SPATA31A6: variants seen among roughly 807,000 people sequenced by gnomAD.
SPATA31A6 encodes the protein SPATA31 subfamily A member 6, also known as spermatogenesis-associated protein 31A6.
SPATA31A6 carries 9 observed loss-of-function variants against 11.9 expected under a neutral mutation model. The ratio of observed to expected loss-of-function variants is 0.76; its 90% CI spans 0.46 to 1.32. SPATA31A6 has a LOEUF of 1.32. SPATA31A6 is among the 40% of genes most tolerant of loss of function. The pLI is 0.00. For synonymous variants in SPATA31A6, 314 were observed against 572.1 expected, an observed-to-expected ratio of 0.55 and a Z score of 6.44; for missense variants, 855 against 1,467.3, an observed-to-expected ratio of 0.58 and a Z score of 6.82.
Position 42,187,246 on chromosome 9 carries a change from A to G in SPATA31A6, c.1544A>G (p.Lys515Arg), listed in dbSNP as rs534694700. The part of the protein sequence containing the change: ...VLSPAFPSLI[K>R]NTGVACPASQ... Reference sequence around the variant, plus strand: ...TCTCCTGCTTTTCCATCCCTGATTAAGAACACTGGAGTAGCTTGCCCTGCA... The same window carrying G: ...TCTCCTGCTTTTCCATCCCTGATTAGGAACACTGGAGTAGCTTGCCCTGCA... Residue 515 changes from lysine (K) to arginine (R), a missense_variant, in exon 4 of 4, where the codon AAG (lysine) becomes AGG (arginine). Physicochemically the swap from Lys to Arg is conservative, Grantham distance 26 (BLOSUM62 2). Transcript: ENST00000332857. The G allele has an allele frequency of 4.2e-5, 65 of 1,542,800 alleles. 12 individuals carry two copies. The African/African-American group carries it at 9.5e-4, about 23-fold the overall frequency.
At position 42,188,485 on chromosome 9, in the gene SPATA31A6, C is replaced by T. The variant is rs1041044180; in HGVS notation, c.2783C>T (p.Thr928Ile). ...TCTAAGCCCCTCACGTACAGCCTCA[C>T]AGGCAGCACCCAGCAGAGCAGGAGC... ...WPSKPLTYSLTGSTQQSRSLG... is the reference protein window; with the variant it reads ...WPSKPLTYSLIGSTQQSRSLG... The change falls in exon 4 of 4, where the codon ACA becomes ATA. Residue 928 changes from threonine (T) to isoleucine (I), a missense_variant. Thr to Ile is a moderately conservative substitution (Grantham distance 89, BLOSUM62 -1). Transcript: ENST00000332857. 1 of 560,766 alleles carries T rather than the reference C, an allele frequency of 1.8e-6. No homozygotes were observed. Among genetic ancestry groups the T allele is most frequent in the South Asian group, 2.1e-5 (1 of 47,978 alleles). 34.7% of individuals were successfully genotyped at this position (560,766 alleles called of 1,614,324 possible). A position where few individuals can be genotyped will look rare whatever the true frequency, so the allele number is the denominator to read the frequency against.
In SPATA31A6 at chr9:42,186,659, G is replaced by T. The variant is rs747140841; in HGVS notation, c.957G>T (p.Leu319Phe). The change falls in exon 4 of 4, where the codon TTG becomes TTT. Residue 319 changes from leucine (L) to phenylalanine (F), a missense_variant. Leu to Phe is a conservative substitution (Grantham distance 22). Coordinates refer to ENST00000332857, the MANE Select transcript of SPATA31A6 (RefSeq NM_001145196.1). ...TCQMEAGSLF[L>F]LSSDGQNVVG... ...AGATGGAAGCTGGTAGCCTGTTTTTGCTCAGCTCTGATGGCCAGAATGTCG... is the reference window on the plus strand; with the variant it reads ...AGATGGAAGCTGGTAGCCTGTTTTTTCTCAGCTCTGATGGCCAGAATGTCG... 6.5e-7 allele frequency: 1 copy of T among 1,532,002 alleles called. No homozygotes were observed. Among genetic ancestry groups the T allele is most frequent in the East Asian group, 2.4e-5 (1 of 42,100 alleles). 94.9% of individuals were successfully genotyped at this position (1,532,002 alleles called of 1,614,324 possible).
chr9:42,184,372 G>C (rs1305668220), intron 1 of SPATA31A6, among the ~76,000 whole-genome samples: 1 of 131,710 alleles, frequency 7.6e-6, no homozygotes, highest in Non-Finnish European at 1.6e-5. Flanking sequence ...GCCTGAACTT[G>C]GGTGTTCCTG....
At position 42,183,861 on chromosome 9, in the gene SPATA31A6, G is replaced by C. The variant is rs752352621; in HGVS notation, c.174G>C (p.Ser58=). 17 of 1,531,134 alleles carry C rather than the reference G, an allele frequency of 1.1e-5. No individual in the cohort carries two copies. The highest frequency in any genetic ancestry group is 1.3e-5 in the Non-Finnish European group (15 of 1,137,502). The allele number at this position is 1,531,134 out of a possible 1,614,324, so 94.8% of individuals were successfully genotyped here. Residue 58 remains serine (S), a synonymous_variant, in exon 1 of 4, where the codon TCG becomes TCC. Transcript: ENST00000332857. Reference sequence around the variant, plus strand: ...ATTGTGATGACCCACCCTCACCATCGCCTGGGAAGAGAAAGGTAAGGAACC... The same window carrying C: ...ATTGTGATGACCCACCCTCACCATCCCCTGGGAAGAGAAAGGTAAGGAACC... The part of the protein sequence containing the change: ...YFHCDDPPSP[S]PGKRKCPVGR...
At position 42,186,923 on chromosome 9, in the gene SPATA31A6, T is replaced by C. The variant is rs556963687; in HGVS notation, c.1221T>C (p.Ser407=). ...CAGATCCTAGGCTCTTGCAGGAAAGTTTTTGGAAGAATTATAGCCAGCTTT... is the reference window on the plus strand; with the variant it reads ...CAGATCCTAGGCTCTTGCAGGAAAGCTTTTGGAAGAATTATAGCCAGCTTT... The part of the protein sequence containing the change: ...KCSDPRLLQE[S]FWKNYSQLFW... Residue 407 remains serine (S), a synonymous_variant, in exon 4 of 4, where the codon AGT becomes AGC. Coordinates refer to ENST00000332857, the MANE Select transcript of SPATA31A6 (RefSeq NM_001145196.1). The C allele has an allele frequency of 5.1e-5, 79 of 1,540,402 alleles. 14 individuals carry two copies. Among genetic ancestry groups the C allele is most frequent in the Middle Eastern group, 2.3e-4 (1 of 4,354 alleles).
Position 42,186,808 on chromosome 9 carries a change from C to T in SPATA31A6, c.1106C>T (p.Ser369Leu), listed in dbSNP as rs1249737909. Residue 369 changes from serine to leucine, a missense_variant, in exon 4 of 4, where the codon TCA becomes TTA. Transcript: ENST00000332857. ...AATTCTTTGGGGAATTTGGCTAAATCATTGGATGCTGAGCAGGACACCACA... is the reference window on the plus strand; with the variant it reads ...AATTCTTTGGGGAATTTGGCTAAATTATTGGATGCTGAGCAGGACACCACA... ...HLNSLGNLAKSLDAEQDTTNP... is the reference protein window; with the variant it reads ...HLNSLGNLAKLLDAEQDTTNP... The T allele has an allele frequency of 1.3e-6, 2 of 1,534,372 alleles. No individual in the cohort carries two copies. The highest frequency in any genetic ancestry group is 3.1e-5 in the African/African-American group (2 of 65,496).
At position 42,187,588 on chromosome 9, in the gene SPATA31A6, C is replaced by T. The variant is rs576103141; in HGVS notation, c.1886C>T (p.Thr629Ile). 5 of 1,253,232 alleles carry T rather than the reference C, an allele frequency of 4.0e-6. 2 individuals carry two copies. The highest frequency in any genetic ancestry group is 1.9e-5 in the African/African-American group (1 of 52,438). The allele number at this position is 1,253,232 out of a possible 1,614,324, so 77.6% of individuals were successfully genotyped here. A position where few individuals can be genotyped will look rare whatever the true frequency, so the allele number is the denominator to read the frequency against. The stretch of plus-strand genomic sequence containing the variant: ...CAGCTTCGGGACGAATCACCAGGGA[C>T]AAGTCAGGCCAAGGGCAAACCCAGT... Reference protein sequence around the residue: ...LMQLRDESPGTSQAKGKPSPW... With the variant: ...LMQLRDESPGISQAKGKPSPW... The change falls in exon 4 of 4, where the codon ACA becomes ATA. Residue 629 changes from threonine to isoleucine, a missense_variant. Physicochemically the swap from Thr to Ile is moderately conservative, Grantham distance 89. Transcript: ENST00000332857.
rs550048106 is a variant in SPATA31A6 at position 42,189,446 on chromosome 9, C to T, written c.3744C>T (p.His1248=). ...PVCGFPCNHR[H]LFYSEHGRIL... ...GTGGGTTTCCCTGCAACCACAGGCA[C>T]CTCTTCTACTCAGAACATGGCAGAA... Residue 1248 remains histidine, a synonymous_variant, in exon 4 of 4, where the codon CAC becomes CAT. Coordinates refer to ENST00000332857, the MANE Select transcript of SPATA31A6 (RefSeq NM_001145196.1). 116 of 1,559,378 alleles carry T rather than the reference C, an allele frequency of 7.4e-5. 15 individuals carry two copies. In the South Asian group the frequency reaches 1.2e-3, roughly 17 times the overall value.
chr9:42,185,492 C>T, intron 2 of SPATA31A6: 1 of 897,642 alleles, frequency 1.1e-6, no homozygotes, highest in South Asian at 1.7e-5. Flanking sequence ...GGTGGGGGGT[C>T]CGTGTGTGGA....
Position 42,187,384 on chromosome 9 carries a change from C to A in SPATA31A6, c.1682C>A (p.Ser561Tyr). 6.5e-7 allele frequency: 1 copy of A among 1,533,112 alleles called. No homozygotes were observed. 95.0% of individuals were successfully genotyped at this position (1,533,112 alleles called of 1,614,324 possible). The change falls in exon 4 of 4, where the codon TCT becomes TAT. Residue 561 changes from serine to tyrosine, a missense_variant. Ser to Tyr is a moderately radical substitution (Grantham distance 144, BLOSUM62 -2). Transcript: ENST00000332857. The stretch of plus-strand genomic sequence containing the variant: ...GCTTTACCCTCTAGGGTCCAAAAAT[C>A]TCAGGACGTCTTTAGTGTCTCCACT... Reference protein sequence around the residue: ...RLALPSRVQKSQDVFSVSTPN... With the variant: ...RLALPSRVQKYQDVFSVSTPN...
At position 42,187,006 on chromosome 9, in the gene SPATA31A6, A is replaced by G; in HGVS notation, c.1304A>G (p.Asp435Gly). ...CTGGTGGCTAACGCCTGGGTAACTG[A>G]CAGGTCTTATACTTTACAGTCTCCT... The part of the protein sequence containing the change: ...ESLVANAWVT[D>G]RSYTLQSPPF... Residue 435 changes from aspartate (D) to glycine (G), a missense_variant, in exon 4 of 4, where the codon GAC becomes GGC. Asp to Gly is a moderately conservative substitution (Grantham distance 94, BLOSUM62 -1). Coordinates refer to ENST00000332857, the MANE Select transcript of SPATA31A6 (RefSeq NM_001145196.1). The G allele has an allele frequency of 1.9e-6, 3 of 1,546,876 alleles. 1 individual carries two copies. The highest frequency in any genetic ancestry group is 8.8e-7 in the Non-Finnish European group (1 of 1,141,982).
At position 42,183,698 on chromosome 9, in the gene SPATA31A6, T is replaced by G. The variant is rs767822233; in HGVS notation, c.11T>G (p.Leu4Arg). 6.5e-7 allele frequency: 1 copy of G among 1,534,362 alleles called. No individual in the cohort carries two copies. The highest frequency in any genetic ancestry group is 1.8e-5 in the Admixed American group (1 of 56,096). ...AACGTGCCTATTCACATGGAGAATCTTCCCTTTCCTTTAAAATTACTTAGT... is the reference window on the plus strand; with the variant it reads ...AACGTGCCTATTCACATGGAGAATCGTCCCTTTCCTTTAAAATTACTTAGT... The part of the protein sequence containing the change: MEN[L>R]PFPLKLLSAS... Residue 4 changes from leucine to arginine, a missense_variant, in exon 1 of 4, where the codon CTT becomes CGT. By Grantham distance (102) the Leu-to-Arg change is moderately radical (BLOSUM62 -2). Transcript: ENST00000332857.
rs1279585361 is a variant in SPATA31A6, at chr9:42,184,175, C to T, written c.189+299C>T. 1.4e-4 allele frequency among the ~76,000 whole-genome samples: 19 copies of T among 137,622 alleles called. 2 individuals are homozygous for T. The highest frequency in any genetic ancestry group is 4.4e-4 in the East Asian group (2 of 4,512). The allele number at this position is 137,622 out of a possible 152,430, so 90.3% of individuals were successfully genotyped here. ...TCATGAGACTGGGGAGGTCTCTGTC[C>T]GAGACCAGGCCCTGAGCCCTGGCTC... On this transcript the variant is annotated intron_variant, in intron 1 of 3. Transcript: ENST00000332857.
rs1829475131 is a variant in SPATA31A6, at chr9:42,187,218, C to T, written c.1516C>T (p.Leu506=). 5.2e-6 allele frequency: 8 copies of T among 1,543,418 alleles called. 2 individuals carry two copies. Among genetic ancestry groups the T allele is most frequent in the Non-Finnish European group, 1.8e-6 (2 of 1,138,294 alleles). The change falls in exon 4 of 4, where the codon CTA becomes TTA. Residue 506 remains leucine, a synonymous_variant. Transcript: ENST00000332857. ...CCATCTTCAGTCTTCTTTCCCAGTC[C>T]TATCTCCTGCTTTTCCATCCCTGAT... The part of the protein sequence containing the change: ...QAHLQSSFPV[L]SPAFPSLIKN...
At position 42,187,384 on chromosome 9, in the gene SPATA31A6, C is replaced by T; in HGVS notation, c.1682C>T (p.Ser561Phe). 6.5e-7 allele frequency: 1 copy of T among 1,533,112 alleles called. No individual in the cohort carries two copies. The allele number at this position is 1,533,112 out of a possible 1,614,324, so 95.0% of individuals were successfully genotyped here. ...RLALPSRVQK[S>F]QDVFSVSTPN... ...GCTTTACCCTCTAGGGTCCAAAAATCTCAGGACGTCTTTAGTGTCTCCACT... is the reference window on the plus strand; with the variant it reads ...GCTTTACCCTCTAGGGTCCAAAAATTTCAGGACGTCTTTAGTGTCTCCACT... Residue 561 changes from serine (S) to phenylalanine (F), a missense_variant, in exon 4 of 4, where the codon TCT (serine) becomes TTT (phenylalanine). Ser to Phe is a radical substitution (Grantham distance 155). Coordinates refer to ENST00000332857, the MANE Select transcript of SPATA31A6 (RefSeq NM_001145196.1).
In SPATA31A6 at chr9:42,185,074, A is replaced by G; in HGVS notation, c.195A>G (p.Pro65=). ...PSPSPGKRKC[P]VGRRRRPRGR... is the part of the protein sequence containing the mutation. ...TACGTCATCATGTCTCCCAGTGTCC[A>G]GTAGGGCGGAGGCGGAGGCCCAGAG... is the stretch of plus-strand genomic sequence containing the variant. Residue 65 remains proline, a synonymous_variant, in exon 2 of 4, where the codon CCA becomes CCG. Transcript: ENST00000332857. 2 of 1,538,946 alleles carry G rather than the reference A, an allele frequency of 1.3e-6. No individual in the cohort carries two copies. The highest frequency in any genetic ancestry group is 1.8e-6 in the Non-Finnish European group (2 of 1,136,778).
Position 42,187,178 on chromosome 9 carries a change from G to T in SPATA31A6, c.1476G>T (p.Gln492His). The change falls in exon 4 of 4, where the codon CAG becomes CAT. Residue 492 changes from glutamine to histidine, a missense_variant. Transcript: ENST00000332857. ...AATTCCTGCCCACACCTATGGCTCAGGCCGAGGCTCAGGCCCATCTTCAGT... is the reference window on the plus strand; with the variant it reads ...AATTCCTGCCCACACCTATGGCTCATGCCGAGGCTCAGGCCCATCTTCAGT... ...TPQFLPTPMA[Q>H]AEAQAHLQSS... 1.9e-6 allele frequency: 3 copies of T among 1,542,914 alleles called. No homozygotes were observed. The highest frequency in any genetic ancestry group is 1.8e-6 in the Non-Finnish European group (2 of 1,137,948).
Position 42,189,412 on chromosome 9 carries a change from C to G in SPATA31A6, c.3710C>G (p.Ala1237Gly), listed in dbSNP as rs538812666. ...AATCAGCACAAACAGAAGTTTCAAG[C>G]CCCAGTCTGTGGGTTTCCCTGCAAC... Reference protein sequence around the residue: ...KVNQHKQKFQAPVCGFPCNHR... With the variant: ...KVNQHKQKFQGPVCGFPCNHR... The change falls in exon 4 of 4, where the codon GCC becomes GGC. Residue 1237 changes from alanine to glycine, a missense_variant. Physicochemically the swap from Ala to Gly is moderately conservative, Grantham distance 60 (BLOSUM62 0). Transcript: ENST00000332857. The G allele has an allele frequency of 2.2e-5, 34 of 1,564,728 alleles. 3 individuals are homozygous for G. In the South Asian group the frequency reaches 3.4e-4, roughly 16 times the overall value.
chr9:42,189,302 T>A lies in SPATA31A6; in HGVS notation c.3600T>A (p.Ala1200=), dbSNP rs372785418. ...KNRSCVYSSS[A]EAQGLMTAVG... ...GATCATGTGTGTACAGCAGCAGTGC[T>A]GAAGCTCAGGGTCTCATGACGGCAG... The change falls in exon 4 of 4, where the codon GCT becomes GCA. Residue 1200 remains alanine (A), a synonymous_variant. Transcript: ENST00000332857. The A allele has an allele frequency of 5.5e-4, 861 of 1,557,546 alleles. 182 individuals carry two copies. In the East Asian group the frequency reaches 0.017, roughly 30 times the overall value.
Sources: allele counts gnomAD v4.1 joint callset (sites outside exome capture counted in the v4.1 genomes callset), GRCh38; gene constraint gnomAD v4.1.1; transcripts MANE v1.5; gene names NCBI Gene and HGNC (gene_info 2026-07-23, HGNC 2026-07-21).